Variants in FOXP1 observed in about 807,000 individuals in gnomAD.
FOXP1 encodes the protein forkhead box protein P1.
In FOXP1, 15 loss-of-function variants were observed where a neutral mutation model predicts 98.2. That is an observed-to-expected ratio of 0.15 (90% CI 0.10 to 0.24). The LOEUF (loss-of-function observed/expected upper bound fraction) is 0.24, where lower values mean the gene tolerates loss of function less well. Among genes scored for constraint, FOXP1 ranks in the 10% least tolerant of loss-of-function variants. The pLI is 1.00. For synonymous variants in FOXP1, 371 were observed against 314.5 expected, an observed-to-expected ratio of 1.18 and a Z score of -1.90; for missense variants, 633 against 848.5, an observed-to-expected ratio of 0.75 and a Z score of 3.15.
chr3:71,520,604 G>GT (rs1357995567), intron 2 of FOXP1, among the ~76,000 whole-genome samples: 1 of 152,188 alleles, frequency 6.6e-6, no homozygotes, highest in African/African-American at 2.4e-5. Context: ...AAATGTCAGC[G>GT]TGAGACTGCC....
intron 2 of FOXP1, chr3:71,571,702 ACT>A (rs1412954616): frequency 6.6e-6 from 1 of 152,218 alleles, no homozygotes; most frequent in Non-Finnish European, 1.5e-5. Flanking sequence ...CTAAAATGAA[ACT>A]CTGTACATCA....
chr3:71,103,700 AG>A (rs2057177649), intron 7 of FOXP1, among the ~76,000 whole-genome samples: 1 of 152,054 alleles, frequency 6.6e-6, no homozygotes, highest in African/African-American at 2.4e-5. Context: ...AGGTGGGGGG[AG>A]GGAAGAAAAG....
intron 4 of FOXP1, among the ~76,000 whole-genome samples, chr3:71,352,587 T>C (rs1401371017): frequency 5.9e-5 from 9 of 152,004 alleles, no homozygotes. Context: ...TAACTCACTA[T>C]TCTTCAGCTT....
chr3:71,163,263 G>A (rs1272954965), intron 6 of FOXP1, among the ~76,000 whole-genome samples: 1 of 152,168 alleles, frequency 6.6e-6, no homozygotes, highest in East Asian at 1.9e-4. Context: ...TGAAATTAAT[G>A]TTAAATACTT....
At chr3:70,965,143 T>C (rs975819688) in intron 20 of FOXP1, among the ~76,000 whole-genome samples, 3 of 152,190 alleles carry the variant, frequency 2.0e-5, no homozygotes, top group African/African-American at 7.2e-5. Context: ...TTTGGAATAA[T>C]GTGGTTTCTT....
chr3:71,329,350 T>C (rs961586481), intron 4 of FOXP1, among the ~76,000 whole-genome samples: 1 of 151,806 alleles, frequency 6.6e-6, no homozygotes, highest in African/African-American at 2.4e-5. Flanking sequence ...GCCTTCCGAG[T>C]AGCTGGGACT....
At chr3:70,980,950 T>A (rs530331288) in intron 14 of FOXP1, among the ~76,000 whole-genome samples, 26 of 152,214 alleles carry the variant, frequency 1.7e-4, no homozygotes, top group African/African-American at 5.8e-4. Context: ...CAATGAAAAT[T>A]ACAAACACAA....
intron 3 of FOXP1, among the ~76,000 whole-genome samples, chr3:71,420,440 T>C (rs1273257092): frequency 6.6e-6 from 1 of 152,142 alleles, no homozygotes; most frequent in Non-Finnish European, 1.5e-5. Flanking sequence ...AGCATCAGTG[T>C]CCTCAGCTGT....
At chr3:71,331,763 G>T (rs1367933454) in intron 4 of FOXP1, among the ~76,000 whole-genome samples, 2 of 152,064 alleles carry the variant, frequency 1.3e-5, no homozygotes, top group Non-Finnish European at 2.9e-5. Flanking sequence ...TCTAGCTAAG[G>T]GATTGTAAAT....
intron 6 of FOXP1, among the ~76,000 whole-genome samples, chr3:71,186,871 C>G (rs1438908571): frequency 6.6e-6 from 1 of 152,188 alleles, no homozygotes. Context: ...ATTCATTAAT[C>G]CAGAGATTGA....
chr3:71,509,552 A>G (rs1047573340), intron 2 of FOXP1, among the ~76,000 whole-genome samples: 1 of 152,074 alleles, frequency 6.6e-6, no homozygotes, highest in African/African-American at 2.4e-5. Flanking sequence ...TGTATACATC[A>G]TGGGGGGAGG....
chr3:71,246,007 C>A (rs56173918), intron 5 of FOXP1, among the ~76,000 whole-genome samples: 33,420 of 151,004 alleles, frequency 0.22, 3,805 homozygotes, highest in African/African-American at 0.26. Context: ...CACCCCCCCC[C>A]CACCACAAAG....
chr3:70,998,137 G>T (rs1406884526), intron 13 of FOXP1, among the ~76,000 whole-genome samples: 2 of 152,198 alleles, frequency 1.3e-5, no homozygotes, highest in South Asian at 2.1e-4. Flanking sequence ...TGATCCTCTT[G>T]ACCAGGGGTG....
chr3:70,956,773 T>TTTTTTTTTTTTTTTTGAGAC lies in FOXP1; in HGVS notation c.*2473_*2474insGTCTCAAAAAAAAAAAAAAA. Reference sequence around the variant, plus strand: ...TTTTTTTTTTTTTTTTTTTTTTTTTTAAAGTCTTGCGTGACCACAGACTGC... The same window carrying TTTTTTTTTTTTTTTTGAGAC: ...TTTTTTTTTTTTTTTTTTTTTTTTTTTTTTTTTTTTTTTTTGAGACAAAGTCTTGCGTGACCACAGACTGC... On this transcript the variant is annotated 3_prime_UTR_variant, in exon 21 of 21. Transcript: ENST00000649528. 1 of 146,842 alleles carries TTTTTTTTTTTTTTTTGAGAC rather than the reference T, an allele frequency of 6.8e-6. No homozygotes were observed. Among genetic ancestry groups the TTTTTTTTTTTTTTTTGAGAC allele is most frequent in the Non-Finnish European group, 1.3e-5 (1 of 78,878 alleles). The allele number at this position is 146,842 out of a possible 1,614,324, so 9.1% of individuals were successfully genotyped here. A position where few individuals can be genotyped will look rare whatever the true frequency, so the allele number is the denominator to read the frequency against.
At position 70,977,069 on chromosome 3, in the gene FOXP1, A is replaced by C. The variant is rs113838098; in HGVS notation, c.1429-27T>G. 6.2e-6 allele frequency: 9 copies of C among 1,447,230 alleles called. No individual in the cohort carries two copies. The African/African-American group carries it at 7.0e-5, about 11-fold the overall frequency. 89.6% of individuals were successfully genotyped at this position (1,447,230 alleles called of 1,614,324 possible). A position where few individuals can be genotyped will look rare whatever the true frequency, so the allele number is the denominator to read the frequency against. On this transcript the variant is annotated intron_variant, in intron 16 of 20. Transcript: ENST00000649528. ...TGTGAAGCAGAATGTAACAGAAGAT[A>C]ATTTATGACCAAATCAGCAGAGTCG...
At chr3:71,275,150 ATAC>A (rs1286685755) in intron 5 of FOXP1, among the ~76,000 whole-genome samples, 1 of 152,190 alleles carries the variant, frequency 6.6e-6, no homozygotes, top group Non-Finnish European at 1.5e-5. Flanking sequence ...CTTCATCCAA[ATAC>A]TATTCTATTT....
chr3:71,582,539 G>A, intron 1 of FOXP1: 4 of 985,462 alleles, frequency 4.1e-6, no homozygotes, highest in Non-Finnish European at 4.8e-6. Flanking sequence ...AGGGCCGGAG[G>A]GACGAGGCGA....
At chr3:71,149,492 G>A (rs1392753341) in intron 6 of FOXP1, among the ~76,000 whole-genome samples, 1 of 152,110 alleles carries the variant, frequency 6.6e-6, no homozygotes, top group African/African-American at 2.4e-5. Context: ...AAGATAAAGG[G>A]CCTACAGAAG....
chr3:71,390,734 C>T (rs1268471325), intron 3 of FOXP1, among the ~76,000 whole-genome samples: 5 of 152,156 alleles, frequency 3.3e-5, no homozygotes, highest in East Asian at 1.9e-4. Flanking sequence ...TTCTTGCAGA[C>T]GTGGCCCAAG....
Sources: allele counts gnomAD v4.1 joint callset (sites outside exome capture counted in the v4.1 genomes callset), GRCh38; gene constraint gnomAD v4.1.1; transcripts MANE v1.5; gene names NCBI Gene and HGNC (gene_info 2026-07-23, HGNC 2026-07-21).